SLC1A3: variants seen among roughly 807,000 people sequenced by gnomAD.
SLC1A3 encodes solute carrier family 1 member 3, also known as excitatory amino acid transporter 1.
Under a neutral mutation model 48.1 loss-of-function variants are expected in SLC1A3, and 21 were observed. The ratio of observed to expected loss-of-function variants is 0.44; its 90% CI spans 0.31 to 0.63. SLC1A3 has a LOEUF of 0.63. Among genes scored for constraint, SLC1A3 ranks in the 20% least tolerant of loss-of-function variants. The pLI, the probability that SLC1A3 is intolerant of heterozygous loss-of-function variation, is 0.08. For missense variants in SLC1A3, 546 were observed against 689.0 expected (o/e 0.79, Z 2.32); for synonymous variants, 239 against 251.4 (o/e 0.95, Z 0.47).
At chr5:36,618,961 C>T (rs539764443) in intron 2 of SLC1A3, among the ~76,000 whole-genome samples, 9 of 152,266 alleles carry the variant, frequency 5.9e-5, no homozygotes, top group African/African-American at 1.9e-4. Context: ...AAGCACCAGG[C>T]CTTTCTTAAA....
chr5:36,676,859 C>A (rs1742227925), intron 5 of SLC1A3, 33 bp from the exon 6 acceptor site: 1 of 1,539,404 alleles, frequency 6.5e-7, no homozygotes, highest in Non-Finnish European at 8.9e-7. Flanking sequence ...ATAAAAATCA[C>A]CTTTAATCCT....
At chr5:36,614,434 A>G (rs1739345583) in intron 2 of SLC1A3, among the ~76,000 whole-genome samples, 1 of 152,130 alleles carries the variant, frequency 6.6e-6, no homozygotes, top group Non-Finnish European at 1.5e-5. Flanking sequence ...AGTTGTAGGA[A>G]GAGCCTTAAT....
intron 3 of SLC1A3, among the ~76,000 whole-genome samples, chr5:36,646,088 G>A (rs550318409): frequency 6.6e-6 from 1 of 152,348 alleles, no homozygotes; most frequent in South Asian, 2.1e-4. Flanking sequence ...TAAGCTATGG[G>A]TAACCCACTG....
Position 36,640,397 on chromosome 5 carries a change from C to T in SLC1A3, c.319+10810C>T, listed in dbSNP as rs562378764. Among the ~76,000 whole-genome samples the T allele has an allele frequency of 2.6e-5, 4 of 152,382 alleles. No individual in the cohort carries two copies. In the South Asian group the frequency reaches 8.3e-4, roughly 32 times the overall value. On this transcript the variant is annotated intron_variant, in intron 3 of 9. Transcript: ENST00000265113. The stretch of plus-strand genomic sequence containing the variant: ...CCCCATGATGTACTTCTTTCACTAA[C>T]CCATCAACTTCTATACTACCAGTGT...
intron 1 of SLC1A3, among the ~76,000 whole-genome samples, chr5:36,596,890 G>A (rs1030091572): frequency 6.6e-6 from 1 of 152,134 alleles, no homozygotes; most frequent in Non-Finnish European, 1.5e-5. Context: ...GAAAAACCAG[G>A]GTTTTAATCA....
At chr5:36,673,954 C>A in intron 4 of SLC1A3, 95 bp from the exon 5 acceptor site, 2 of 956,636 alleles carry the variant, frequency 2.1e-6, no homozygotes, top group Non-Finnish European at 3.4e-6. Flanking sequence ...TTGCTTGGTT[C>A]AATGCAATCT....
chr5:36,628,885 G>C (rs1379128461), intron 2 of SLC1A3, among the ~76,000 whole-genome samples: 1 of 152,062 alleles, frequency 6.6e-6, no homozygotes, highest in Non-Finnish European at 1.5e-5. Context: ...CAGTTACCAA[G>C]GCAATGTCAA....
At chr5:36,609,964 C>T (rs952638719) in intron 2 of SLC1A3, among the ~76,000 whole-genome samples, 1 of 152,184 alleles carries the variant, frequency 6.6e-6, no homozygotes, top group African/African-American at 2.4e-5. Context: ...TTATATAGTA[C>T]TATTCCAGCT....
chr5:36,649,380 C>T (rs1740967804), intron 3 of SLC1A3: 1 of 151,300 alleles, frequency 6.6e-6, no homozygotes. Context: ...TTCTCTATCT[C>T]TATTCCGTAT....
chr5:36,633,748 A>G lies in SLC1A3; in HGVS notation c.319+4161A>G, dbSNP rs561871052. On this transcript the variant is annotated intron_variant, in intron 3 of 9. Transcript: ENST00000265113. ...TTTCATGACACAGCATCTCCATCCT[A>G]AAGTCAACTAGCCCAGAATTTTCCA... Among the ~76,000 whole-genome samples, 31 of 152,322 alleles carry G rather than the reference A, an allele frequency of 2.0e-4. No homozygotes were observed. In the South Asian group the frequency reaches 4.1e-3, roughly 20 times the overall value.
At chr5:36,602,936 C>T (rs905773703), upstream of SLC1A3, among the ~76,000 whole-genome samples, 2 of 152,158 alleles carry the variant, frequency 1.3e-5, no homozygotes, top group South Asian at 2.1e-4. Context: ...CAGTGTCAGC[C>T]GACCCCTTCA....
At chr5:36,676,375 G>A (rs993956393) in intron 5 of SLC1A3, among the ~76,000 whole-genome samples, 1 of 152,186 alleles carries the variant, frequency 6.6e-6, no homozygotes, top group African/African-American at 2.4e-5. Context: ...CAACAACACT[G>A]TGAGGTAGAA....
rs766104399 is a variant in SLC1A3 at position 36,686,222 on chromosome 5, C to T, written c.1582C>T (p.Gln528Ter). ...EMKKPYQLIA[Q>*]DNETEKPIDS... ...GAAGAAACCATATCAACTGATTGCA[C>T]AGGACAATGAAACTGAGAAACCCAT... The change falls in exon 10 of 10, where the codon CAG (glutamine) becomes TAG (stop). Residue 528 changes from glutamine (Q) to a stop codon, truncating the protein, a stop_gained. Transcript: ENST00000265113. LOFTEE classifies it high-confidence loss of function. 3.1e-6 allele frequency: 5 copies of T among 1,614,116 alleles called. No individual in the cohort carries two copies. Among genetic ancestry groups the T allele is most frequent in the Non-Finnish European group, 3.4e-6 (4 of 1,179,970 alleles).
chr5:36,615,336 A>G (rs1183722099), intron 2 of SLC1A3, among the ~76,000 whole-genome samples: 7 of 152,258 alleles, frequency 4.6e-5, no homozygotes, highest in Non-Finnish European at 1.0e-4. Flanking sequence ...TTCCTCTAAA[A>G]TATCTGAATA....
Position 36,686,882 on chromosome 5 carries a change from T to TA in SLC1A3, c.*617dup, listed in dbSNP as rs886060546. ...CTCTAGGCCTCAGTGTCCTCATCTA[T>TA]AAAATGAGGGACTTCCCTAGAAGTC... is the stretch of plus-strand genomic sequence containing the variant. On this transcript the variant is annotated 3_prime_UTR_variant, in exon 10 of 10. Transcript: ENST00000265113. The TA allele has an allele frequency of 6.3e-6, 1 of 159,520 alleles. No homozygotes were observed. Among genetic ancestry groups the TA allele is most frequent in the Non-Finnish European group, 1.4e-5 (1 of 72,768 alleles). 9.9% of individuals were successfully genotyped at this position (159,520 alleles called of 1,614,324 possible). A position where few individuals can be genotyped will look rare whatever the true frequency, so the allele number is the denominator to read the frequency against.
chr5:36,627,677 T>C (rs1379046842), intron 2 of SLC1A3, among the ~76,000 whole-genome samples: 1 of 152,242 alleles, frequency 6.6e-6, no homozygotes, highest in Non-Finnish European at 1.5e-5. Flanking sequence ...GGACCGTATA[T>C]GGAAAAGTAT....
chr5:36,683,722 T>A (rs75635991), intron 8 of SLC1A3, 142 bp from the exon 9 acceptor site: 1 of 813,532 alleles, frequency 1.2e-6, no homozygotes, highest in Non-Finnish European at 2.0e-6. Context: ...AAAAAAAAAA[T>A]CTCATTTACG....
intron 3 of SLC1A3, among the ~76,000 whole-genome samples, chr5:36,654,434 C>G (rs1741208960): frequency 6.6e-6 from 1 of 152,120 alleles, no homozygotes; most frequent in South Asian, 2.1e-4. Context: ...TACCTTTCCC[C>G]CCATTCGAAA....
chr5:36,610,280 CA>C (rs1290034594), intron 2 of SLC1A3, among the ~76,000 whole-genome samples: 1 of 152,192 alleles, frequency 6.6e-6, no homozygotes, highest in Non-Finnish European at 1.5e-5. Flanking sequence ...AGTTAGCTAG[CA>C]GTGCATTCAC....
Sources: allele counts gnomAD v4.1 joint callset (sites outside exome capture counted in the v4.1 genomes callset), GRCh38; gene constraint gnomAD v4.1.1; transcripts MANE v1.5; gene names NCBI Gene and HGNC (gene_info 2026-07-23, HGNC 2026-07-21).